SHC3: variants seen among roughly 807,000 people sequenced by gnomAD.
The protein encoded by SHC3 is SHC adaptor protein 3, also known as SHC-transforming protein 3.
In SHC3, 15 loss-of-function variants were observed where a neutral mutation model predicts 60.4. The observed-to-expected ratio is 0.25, with a 90% CI of 0.17 to 0.38. The LOEUF (loss-of-function observed/expected upper bound fraction) is 0.38, where lower values mean the gene tolerates loss of function less well. Among genes scored for constraint, SHC3 ranks in the 10% least tolerant of loss-of-function variants. The pLI, the probability that SHC3 is intolerant of heterozygous loss-of-function variation, is 1.00. For synonymous variants in SHC3, 294 were observed against 325.9 expected, an observed-to-expected ratio of 0.90 and a Z score of 1.05; for missense variants, 677 against 786.1, an observed-to-expected ratio of 0.86 and a Z score of 1.66.
intron 8 of SHC3, 134 bp downstream of exon 8, chr9:89,046,708 AGT>A: frequency 9.5e-7 from 1 of 1,051,092 alleles, no homozygotes; most frequent in Middle Eastern, 3.3e-4. Context: ...CATGAAATCC[AGT>A]GAGAGAAAGC....
intron 1 of SHC3, among the ~76,000 whole-genome samples, chr9:89,136,944 T>C (rs190857924): frequency 2.6e-5 from 4 of 152,214 alleles, no homozygotes; most frequent in Non-Finnish European, 5.9e-5. Flanking sequence ...GAAGCATAGT[T>C]GGGGAGGCCT....
intron 2 of SHC3, among the ~76,000 whole-genome samples, chr9:89,105,946 A>T (rs957987423): frequency 6.6e-6 from 1 of 152,220 alleles, no homozygotes; most frequent in Non-Finnish European, 1.5e-5. Context: ...ACAGAATTTT[A>T]TCAGGAGTGA....
chr9:89,128,758 C>G (rs1826200033), intron 1 of SHC3, among the ~76,000 whole-genome samples: 1 of 152,122 alleles, frequency 6.6e-6, no homozygotes, highest in Admixed American at 6.5e-5. Flanking sequence ...ACGTCACCAT[C>G]ATCAAAGGCC....
intron 1 of SHC3, among the ~76,000 whole-genome samples, chr9:89,135,777 T>C (rs936282718): frequency 1.3e-5 from 2 of 152,178 alleles, no homozygotes; most frequent in African/African-American, 2.4e-5. Flanking sequence ...ATGAGTAATG[T>C]AGAAACAATC....
At chr9:89,171,322 G>A (rs1389837778) in intron 1 of SHC3, among the ~76,000 whole-genome samples, 2 of 151,820 alleles carry the variant, frequency 1.3e-5, no homozygotes, top group Admixed American at 6.6e-5. Flanking sequence ...AAGCACTATT[G>A]TCAGTAGATT....
At chr9:89,101,708 A>G (rs1825785366) in intron 2 of SHC3, among the ~76,000 whole-genome samples, 1 of 151,810 alleles carries the variant, frequency 6.6e-6, no homozygotes, top group African/African-American at 2.4e-5. Flanking sequence ...CCTACAGGGT[A>G]TAATGCATTA....
intron 2 of SHC3, chr9:89,110,296 C>A: frequency 1.0e-6 from 1 of 984,508 alleles, no homozygotes; most frequent in Non-Finnish European, 1.2e-6. Context: ...GATTAATTAT[C>A]TGCTTATAAA....
intron 1 of SHC3, among the ~76,000 whole-genome samples, chr9:89,177,758 C>T (rs2048706692): frequency 6.6e-6 from 1 of 152,250 alleles, no homozygotes; most frequent in South Asian, 2.1e-4. Flanking sequence ...CGGGACGGAG[C>T]GGGCCACCCG....
intron 2 of SHC3, among the ~76,000 whole-genome samples, chr9:89,106,886 T>C (rs1022173399): frequency 2.0e-5 from 3 of 152,066 alleles, no homozygotes; most frequent in African/African-American, 7.2e-5. Flanking sequence ...AGATGCATTA[T>C]GGTTGAGGGA....
intron 11 of SHC3, among the ~76,000 whole-genome samples, chr9:89,021,191 C>T (rs1826195473): frequency 6.6e-6 from 1 of 152,148 alleles, no homozygotes; most frequent in Non-Finnish European, 1.5e-5. Context: ...ATCATCACTG[C>T]CAATTCTACC....
chr9:89,127,266 T>G (rs1023244222), intron 1 of SHC3, among the ~76,000 whole-genome samples: 6 of 152,142 alleles, frequency 3.9e-5, no homozygotes, highest in African/African-American at 1.4e-4. Context: ...CTTATTGAAT[T>G]TTTCCTTTCT....
chr9:89,014,155 G>C (rs552402154), intron 11 of SHC3, among the ~76,000 whole-genome samples: 8 of 152,334 alleles, frequency 5.3e-5, no homozygotes, highest in Non-Finnish European at 1.0e-4. Flanking sequence ...CCCCACTGGA[G>C]AGTGAGCCAG....
chr9:89,133,996 T>G (rs1826286215), intron 1 of SHC3, among the ~76,000 whole-genome samples: 1 of 152,170 alleles, frequency 6.6e-6, no homozygotes, highest in Admixed American at 6.6e-5. Flanking sequence ...CCCTTAGCCA[T>G]GCTGGAAAGA....
chr9:89,087,417 C>T (rs1487679942), intron 2 of SHC3, among the ~76,000 whole-genome samples: 1 of 152,130 alleles, frequency 6.6e-6, no homozygotes, highest in African/African-American at 2.4e-5. Context: ...CCCCTCCCCT[C>T]ACCAAGCAGT....
chr9:89,122,568 G>A (rs1169062654), intron 1 of SHC3, among the ~76,000 whole-genome samples: 2 of 152,116 alleles, frequency 1.3e-5, no homozygotes, highest in East Asian at 3.9e-4. Context: ...GGGGATTTTA[G>A]ACCAAATGCA....
intron 1 of SHC3, among the ~76,000 whole-genome samples, chr9:89,117,547 G>T (rs547235664): frequency 2.0e-5 from 3 of 151,660 alleles, no homozygotes; most frequent in South Asian, 4.2e-4. Context: ...TCTTTCTTTT[G>T]GTGGCATCTA....
intron 6 of SHC3, among the ~76,000 whole-genome samples, chr9:89,059,982 T>C (rs899748825): frequency 7.0e-6 from 1 of 141,918 alleles, no homozygotes; most frequent in East Asian, 2.2e-4. Context: ...GTGGAGGATT[T>C]AGTGGTGGAC....
chr9:89,062,566 G>A (rs146339275), intron 6 of SHC3, among the ~76,000 whole-genome samples: 159 of 152,290 alleles, frequency 1.0e-3, no homozygotes, highest in African/African-American at 3.4e-3. Context: ...GAATCAGCAC[G>A]GAAAAAGACA....
chr9:89,141,288 C>T (rs971177503), intron 1 of SHC3, among the ~76,000 whole-genome samples: 2 of 152,196 alleles, frequency 1.3e-5, no homozygotes, highest in African/African-American at 4.8e-5. Context: ...TCTTGAACAG[C>T]GAGCTTGTGG....
Sources: allele counts gnomAD v4.1 joint callset (sites outside exome capture counted in the v4.1 genomes callset), GRCh38; gene constraint gnomAD v4.1.1; transcripts MANE v1.5; gene names NCBI Gene and HGNC (gene_info 2026-07-23, HGNC 2026-07-21).